The following ROBO1 variants were observed in gnomAD, a reference collection of about 807,000 sequenced individuals.
The protein encoded by ROBO1 is roundabout homolog 1.
In ROBO1, 149 loss-of-function variants were observed where a neutral mutation model predicts 195.9. That is an observed-to-expected ratio of 0.76 (90% CI 0.67 to 0.87). ROBO1 has a LOEUF of 0.87. Ranked by LOEUF, ROBO1 falls within the 40% of genes least tolerant of loss-of-function variation. The pLI is 0.00. For missense variants in ROBO1, 1,933 were observed against 2,068.3 expected (o/e 0.93, Z 1.27); for synonymous variants, 816 against 733.2 (o/e 1.11, Z -1.82).
intron 1 of ROBO1, among the ~76,000 whole-genome samples, chr3:79,611,601 GC>G (rs1333166826): frequency 2.0e-5 from 3 of 152,076 alleles, no homozygotes; most frequent in Non-Finnish European, 2.9e-5. Flanking sequence ...CATGGATGAA[GC>G]TGGAAACCAT....
intron 4 of ROBO1, among the ~76,000 whole-genome samples, chr3:78,755,603 G>A (rs2082909610): frequency 6.6e-6 from 1 of 152,180 alleles, no homozygotes; most frequent in Non-Finnish European, 1.5e-5. Flanking sequence ...TGACAGATTG[G>A]AGGTACCTTT....
intron 4 of ROBO1, among the ~76,000 whole-genome samples, chr3:78,874,709 G>A (rs1212804080): frequency 6.6e-6 from 1 of 151,804 alleles, no homozygotes; most frequent in East Asian, 1.9e-4. Flanking sequence ...TAACAAGTTA[G>A]TCAGTTTTAC....
intron 3 of ROBO1, among the ~76,000 whole-genome samples, chr3:79,024,584 T>G (rs936933056): frequency 1.3e-5 from 2 of 152,170 alleles, no homozygotes; most frequent in African/African-American, 2.4e-5. Flanking sequence ...CATGGTAGGA[T>G]AGACTTGGGA....
intron 3 of ROBO1, among the ~76,000 whole-genome samples, chr3:78,952,010 T>A (rs2040818777): frequency 6.6e-6 from 1 of 151,702 alleles, no homozygotes. Context: ...ATATATGATT[T>A]TTTTCTATCA....
At chr3:79,483,645 T>G (rs114479033) in intron 2 of ROBO1, among the ~76,000 whole-genome samples, 4 of 152,252 alleles carry the variant, frequency 2.6e-5, no homozygotes, top group African/African-American at 9.6e-5. Flanking sequence ...TGTAAAGAAT[T>G]GTAACAAAAT....
chr3:78,827,979 C>A (rs2031787212), intron 4 of ROBO1, among the ~76,000 whole-genome samples: 1 of 152,092 alleles, frequency 6.6e-6, no homozygotes, highest in African/African-American at 2.4e-5. Context: ...ATAATATTAA[C>A]CATCAAATGA....
chr3:79,578,228 G>A (rs1203968017), intron 2 of ROBO1, among the ~76,000 whole-genome samples: 1 of 152,112 alleles, frequency 6.6e-6, no homozygotes, highest in African/African-American at 2.4e-5. Context: ...TAAACAGTTT[G>A]ACAGTCTTAT....
intron 3 of ROBO1, among the ~76,000 whole-genome samples, chr3:79,022,132 A>C (rs1248944181): frequency 6.6e-6 from 1 of 152,196 alleles, no homozygotes; most frequent in African/African-American, 2.4e-5. Flanking sequence ...TAAAGATGGC[A>C]TGCAAAGACA....
At chr3:78,989,826 TACTTCCATTGG>T (rs1350751492) in intron 3 of ROBO1, among the ~76,000 whole-genome samples, 1 of 152,104 alleles carries the variant, frequency 6.6e-6, no homozygotes, top group Non-Finnish European at 1.5e-5. Flanking sequence ...TGAAAAAAGA[TACTTCCATTGG>T]ACAGGAACAT....
chr3:78,875,572 G>A (rs905642763), intron 4 of ROBO1, among the ~76,000 whole-genome samples: 4 of 152,042 alleles, frequency 2.6e-5, no homozygotes, highest in East Asian at 1.9e-4. Context: ...GCATGCACTC[G>A]GAATAGCTTA....
chr3:79,026,231 T>C (rs2078200418), intron 3 of ROBO1, among the ~76,000 whole-genome samples: 1 of 152,138 alleles, frequency 6.6e-6, no homozygotes, highest in Non-Finnish European at 1.5e-5. Flanking sequence ...TTCTAACTGA[T>C]TTAATCCTCA....
chr3:79,358,738 CCT>C (rs2035655728), intron 2 of ROBO1, among the ~76,000 whole-genome samples: 1 of 151,966 alleles, frequency 6.6e-6, no homozygotes, highest in South Asian at 2.1e-4. Context: ...AAACTAAATA[CCT>C]CTTTTCTCAA....
At chr3:79,751,017 A>G (rs1189037436) in intron 1 of ROBO1, among the ~76,000 whole-genome samples, 3 of 152,228 alleles carry the variant, frequency 2.0e-5, no homozygotes, top group African/African-American at 7.2e-5. Context: ...AAATAATTTC[A>G]TGTAGATTTG....
At chr3:78,755,318 T>C (rs2082901128) in intron 4 of ROBO1, among the ~76,000 whole-genome samples, 2 of 151,838 alleles carry the variant, frequency 1.3e-5, no homozygotes, top group African/African-American at 4.8e-5. Flanking sequence ...AAACAAAATG[T>C]ACAAAATTAG....
At chr3:78,834,157 T>C (rs1211116139) in intron 4 of ROBO1, among the ~76,000 whole-genome samples, 1 of 152,048 alleles carries the variant, frequency 6.6e-6, no homozygotes, top group African/African-American at 2.4e-5. Flanking sequence ...TGAAGTGGTG[T>C]TGACCGAAAC....
rs180751328 is a variant in ROBO1, at chr3:78,891,081, C to G, written c.499+47520G>C. Among the ~76,000 whole-genome samples, 280 of 152,170 alleles carry G rather than the reference C, an allele frequency of 1.8e-3. 1 individual carries two copies. Among genetic ancestry groups the G allele is most frequent in the African/African-American group, 6.4e-3 (267 of 41,524 alleles). On this transcript the variant is annotated intron_variant, in intron 4 of 30. Transcript: ENST00000464233. ...ATTACACAAGAATGTTAGGAGAAAA[C>G]AAGGCAGGGACAGGTTGACACAACT...
intron 2 of ROBO1, among the ~76,000 whole-genome samples, chr3:79,244,300 G>C (rs2082580116): frequency 6.6e-6 from 1 of 151,998 alleles, no homozygotes; most frequent in Non-Finnish European, 1.5e-5. Context: ...TGCCCATATA[G>C]GCACTTAATG....
chr3:79,343,720 G>C (rs2034998762), intron 2 of ROBO1, among the ~76,000 whole-genome samples: 1 of 151,966 alleles, frequency 6.6e-6, no homozygotes, highest in Admixed American at 6.6e-5. Context: ...TTAAGTGGGA[G>C]AAGAAGAAAA....
chr3:79,719,492 A>G (rs1702614496), intron 1 of ROBO1, among the ~76,000 whole-genome samples: 1 of 152,186 alleles, frequency 6.6e-6, no homozygotes, highest in Non-Finnish European at 1.5e-5. Context: ...GTAAACTTCT[A>G]CATAACATGT....
Sources: gnomAD v4.1 joint callset for allele counts (sites outside exome capture counted in the v4.1 genomes callset) on GRCh38, gnomAD v4.1.1 for gene constraint, MANE v1.5 for transcripts, NCBI Gene and HGNC (gene_info 2026-07-23, HGNC 2026-07-21) for gene names.